The following PTK2 variants were observed in gnomAD, a reference collection of about 807,000 sequenced individuals.
The protein encoded by PTK2 is focal adhesion kinase 1.
PTK2 carries 45 observed loss-of-function variants against 150.1 expected under a neutral mutation model. The observed-to-expected ratio is 0.30, with a 90% CI of 0.24 to 0.38. The LOEUF is 0.38. Among genes scored for constraint, PTK2 ranks in the 10% least tolerant of loss-of-function variants. The pLI, the probability that PTK2 is intolerant of heterozygous loss-of-function variation, is 1.00. For missense variants in PTK2, 919 were observed against 1,307.3 expected (o/e 0.70, Z 4.58); for synonymous variants, 432 against 449.2 (o/e 0.96, Z 0.48).
chr8:140,988,752 GAC>G (rs1313246167), intron 1 of PTK2, among the ~76,000 whole-genome samples: 1 of 97,206 alleles, frequency 1.0e-5, no homozygotes, highest in Non-Finnish European at 2.1e-5. Context: ...AAAAAAAAAA[GAC>G]ACACACGTAT....
At chr8:140,705,215 T>C (rs1432228134) in intron 24 of PTK2, among the ~76,000 whole-genome samples, 1 of 152,178 alleles carries the variant, frequency 6.6e-6, no homozygotes, top group Non-Finnish European at 1.5e-5. Flanking sequence ...GACAGTTAAG[T>C]ACCAATAGTT....
At chr8:140,960,754 G>T (rs1489285647) in intron 1 of PTK2, among the ~76,000 whole-genome samples, 1 of 152,002 alleles carries the variant, frequency 6.6e-6, no homozygotes. Context: ...GGCCAAGGCG[G>T]GCAGATCACC....
chr8:140,924,502 C>T (rs1008177460), intron 2 of PTK2, among the ~76,000 whole-genome samples: 7 of 152,146 alleles, frequency 4.6e-5, no homozygotes, highest in African/African-American at 1.7e-4. Context: ...TTCCACCACC[C>T]TCCTATCACC....
intron 2 of PTK2, among the ~76,000 whole-genome samples, chr8:140,891,559 G>A (rs1426125213): frequency 6.6e-6 from 1 of 152,172 alleles, no homozygotes; most frequent in Non-Finnish European, 1.5e-5. Flanking sequence ...TTTTCCCACA[G>A]GGCATTTGCC....
chr8:140,887,250 C>T (rs1466795869), intron 3 of PTK2, among the ~76,000 whole-genome samples: 1 of 152,188 alleles, frequency 6.6e-6, no homozygotes, highest in Non-Finnish European at 1.5e-5. Flanking sequence ...CCCACCACTT[C>T]CTCATACTGA....
intron 10 of PTK2, 51 bp downstream of exon 10, chr8:140,818,226 T>C: frequency 6.7e-7 from 1 of 1,484,932 alleles, no homozygotes; most frequent in South Asian, 1.2e-5. Flanking sequence ...TTCCTTAATT[T>C]GATTCTTCTT....
chr8:140,832,429 A>G (rs1390174615), intron 7 of PTK2, among the ~76,000 whole-genome samples: 1 of 152,174 alleles, frequency 6.6e-6, no homozygotes, highest in Non-Finnish European at 1.5e-5. Context: ...ACCTCCGGTT[A>G]CTTGTAAAGT....
At chr8:140,988,023 C>A (rs1293412606) in intron 1 of PTK2, among the ~76,000 whole-genome samples, 10 of 130,652 alleles carry the variant, frequency 7.7e-5, no homozygotes, top group Admixed American at 1.7e-4. Context: ...CCAGCCTGGA[C>A]AACAGAGTGA....
chr8:140,973,057 C>T lies in PTK2; in HGVS notation c.-122+28068G>A, dbSNP rs545278424. On this transcript the variant is annotated intron_variant, in intron 1 of 31. Transcript: ENST00000522684. Reference sequence around the variant, plus strand: ...TGTAGAAATTCTAATTTTTCAGTTTCGTGGTAAATGTTACTGTATGTGGTT... The same window carrying T: ...TGTAGAAATTCTAATTTTTCAGTTTTGTGGTAAATGTTACTGTATGTGGTT... Among the ~76,000 whole-genome samples the T allele has an allele frequency of 2.6e-5, 4 of 152,298 alleles. No individual in the cohort carries two copies. In the East Asian group the frequency reaches 7.7e-4, roughly 29 times the overall value.
chr8:140,759,100 A>G (rs1007952817), intron 16 of PTK2, among the ~76,000 whole-genome samples: 1 of 152,230 alleles, frequency 6.6e-6, no homozygotes, highest in African/African-American at 2.4e-5. Flanking sequence ...CACGATCATG[A>G]AATCGCCTAA....
chr8:140,832,852 A>G (rs762950448), intron 7 of PTK2: 1 of 518,902 alleles, frequency 1.9e-6, no homozygotes, highest in South Asian at 1.4e-5. Flanking sequence ...TCTAGTAGGG[A>G]TTTCAAGAAG....
At chr8:140,706,097 A>T (rs894888967) in intron 24 of PTK2, 22 bp downstream of exon 27, 8 of 1,555,156 alleles carry the variant, frequency 5.1e-6, no homozygotes, top group Middle Eastern at 1.7e-4. Flanking sequence ...AACACAGTTT[A>T]TATCTGTAAT....
intron 5 of PTK2, among the ~76,000 whole-genome samples, chr8:140,860,923 G>C (rs746186225): frequency 6.6e-6 from 1 of 152,212 alleles, no homozygotes; most frequent in Non-Finnish European, 1.5e-5. Context: ...ATGTGACCAT[G>C]ACTATACTTT....
chr8:140,744,904 T>C, intron 18 of PTK2, 137 bp from the exon 22 acceptor site: 1 of 465,286 alleles, frequency 2.1e-6, no homozygotes, highest in South Asian at 5.1e-5. Context: ...TGGCTTCAAG[T>C]CTCTTCTAAT....
chr8:140,941,064 C>T (rs539873277), intron 1 of PTK2, among the ~76,000 whole-genome samples: 4 of 152,202 alleles, frequency 2.6e-5, no homozygotes, highest in Admixed American at 2.6e-4. Context: ...ACAATATGAA[C>T]AGCTATCCCA....
chr8:141,000,561 C>T (rs1671187786), intron 1 of PTK2, among the ~76,000 whole-genome samples: 1 of 152,156 alleles, frequency 6.6e-6, no homozygotes, highest in South Asian at 2.1e-4. Context: ...CCGGCGGAGG[C>T]CGGCCCGTCC....
At chr8:140,695,553 GGA>G (rs1336361049) in intron 26 of PTK2, among the ~76,000 whole-genome samples, 1 of 152,076 alleles carries the variant, frequency 6.6e-6, no homozygotes, top group Non-Finnish European at 1.5e-5. Context: ...TGGGATTACA[GGA>G]GAGTGCCACC....
At chr8:140,953,043 A>T (rs555277879) in intron 1 of PTK2, among the ~76,000 whole-genome samples, 4 of 152,146 alleles carry the variant, frequency 2.6e-5, no homozygotes, top group East Asian at 3.9e-4. Flanking sequence ...TTGTCAGATT[A>T]AAAAAAATTG....
At chr8:140,663,378 AAAGT>A (rs1360994588) in intron 31 of PTK2, among the ~76,000 whole-genome samples, 29 of 152,336 alleles carry the variant, frequency 1.9e-4, no homozygotes, top group African/African-American at 6.3e-4. Context: ...GGACAAACAA[AAAGT>A]GTGTGCTGGG....
Sources: allele counts gnomAD v4.1 joint callset (sites outside exome capture counted in the v4.1 genomes callset), GRCh38; gene constraint gnomAD v4.1.1; transcripts MANE v1.5; gene names NCBI Gene and HGNC (gene_info 2026-07-23, HGNC 2026-07-21).